Variants in SHC3 observed in about 807,000 individuals in gnomAD.
SHC3 encodes SHC adaptor protein 3, also known as SHC-transforming protein 3.
SHC3 carries 15 observed loss-of-function variants against 60.4 expected under a neutral mutation model. The ratio of observed to expected loss-of-function variants is 0.25; its 90% confidence interval spans 0.17 to 0.38. SHC3 has a LOEUF of 0.38. Among genes scored for constraint, SHC3 ranks in the 10% least tolerant of loss-of-function variants. The pLI, the probability that SHC3 is intolerant of heterozygous loss-of-function variation, is 1.00. For synonymous variants in SHC3, 294 were observed against 325.9 expected (o/e 0.90, Z 1.05); for missense variants, 677 against 786.1 (o/e 0.86, Z 1.66).
chr9:89,109,156 T>C, intron 2 of SHC3: 1 of 982,248 alleles, frequency 1.0e-6, no homozygotes, highest in Non-Finnish European at 1.2e-6. Flanking sequence ...ATCTTGTTAG[T>C]AAATGCAGCC....
intron 2 of SHC3, among the ~76,000 whole-genome samples, chr9:89,085,858 C>G (rs1042313569): frequency 3.9e-5 from 6 of 152,162 alleles, no homozygotes; most frequent in Non-Finnish European, 8.8e-5. Context: ...CAAGGAGTGC[C>G]CAGTGAGCAG....
intron 2 of SHC3, among the ~76,000 whole-genome samples, chr9:89,087,993 T>G (rs1159622431): frequency 6.6e-6 from 1 of 152,008 alleles, no homozygotes; most frequent in East Asian, 1.9e-4. Context: ...CCTGCAAAGC[T>G]GTCTCTTGTG....
At chr9:89,092,314 G>A (rs1195561044) in intron 2 of SHC3, among the ~76,000 whole-genome samples, 1 of 152,156 alleles carries the variant, frequency 6.6e-6, no homozygotes. Flanking sequence ...CATATGATTT[G>A]CAACTATAAA....
intron 6 of SHC3, among the ~76,000 whole-genome samples, chr9:89,055,315 TG>T (rs1416806845): frequency 1.3e-5 from 2 of 152,248 alleles, no homozygotes; most frequent in African/African-American, 4.8e-5. Flanking sequence ...CCCGGCCATC[TG>T]CCTGCTGCAA....
At chr9:89,055,346 G>A (rs7026353) in intron 6 of SHC3, among the ~76,000 whole-genome samples, 7,958 of 152,332 alleles carry the variant, frequency 0.052, 280 homozygotes, top group Middle Eastern at 0.079. Flanking sequence ...CAGTAAACTG[G>A]TGTGAGGCTT....
At chr9:89,169,418 A>G (rs1826837145) in intron 1 of SHC3, among the ~76,000 whole-genome samples, 1 of 152,204 alleles carries the variant, frequency 6.6e-6, no homozygotes, top group Non-Finnish European at 1.5e-5. Flanking sequence ...AGTCAAGAAC[A>G]TGGTGTGCTC....
chr9:89,157,426 C>T (rs1281987056), intron 1 of SHC3, among the ~76,000 whole-genome samples: 1 of 152,210 alleles, frequency 6.6e-6, no homozygotes, highest in Non-Finnish European at 1.5e-5. Flanking sequence ...CCGGAAGCCT[C>T]CAGAACAAAT....
intron 11 of SHC3, among the ~76,000 whole-genome samples, chr9:89,017,607 A>G (rs1297731473): frequency 3.9e-5 from 6 of 152,252 alleles, no homozygotes; most frequent in Non-Finnish European, 8.8e-5. Flanking sequence ...CATGACTAAA[A>G]TACAAAAAGC....
rs1335384874 is a variant in SHC3 at position 89,008,812 on chromosome 9, T to G, written c.*4635A>C. 6.6e-6 allele frequency: 1 copy of G among 152,188 alleles called. No individual in the cohort carries two copies. Among genetic ancestry groups the G allele is most frequent in the Admixed American group, 6.5e-5 (1 of 15,284 alleles). 9.4% of individuals were successfully genotyped at this position (152,188 alleles called of 1,614,324 possible). ...GTTCCCCGGTGGGATTCAGCTCCAG[T>G]TGTGCACATGACGGTAACTTACTTG... On this transcript the variant is annotated 3_prime_UTR_variant, in exon 12 of 12. Coordinates refer to ENST00000375835, the MANE Select transcript of SHC3 (RefSeq NM_016848.6).
chr9:89,007,182 C>T lies in SHC3; in HGVS notation c.*6265G>A, dbSNP rs1056590230. ...GAAAGAAGGGAGGCTGGGATCACCTCCCGCCCCTTCTAGCATCTCTACTGA... is the reference window on the plus strand; with the variant it reads ...GAAAGAAGGGAGGCTGGGATCACCTTCCGCCCCTTCTAGCATCTCTACTGA... On this transcript the variant is annotated 3_prime_UTR_variant, in exon 12 of 12. Transcript: ENST00000375835. 1 of 152,234 alleles carries T rather than the reference C, an allele frequency of 6.6e-6. No individual in the cohort carries two copies. Among genetic ancestry groups the T allele is most frequent in the Non-Finnish European group, 1.5e-5 (1 of 68,058 alleles). The allele number at this position is 152,234 out of a possible 1,614,324, so 9.4% of individuals were successfully genotyped here.
chr9:89,054,725 A>T (rs1486478942), intron 6 of SHC3, among the ~76,000 whole-genome samples: 1 of 152,252 alleles, frequency 6.6e-6, no homozygotes, highest in Non-Finnish European at 1.5e-5. Context: ...ATTCCAAATG[A>T]CGCAAAATCT....
chr9:89,120,726 C>A (rs894628462), intron 1 of SHC3, among the ~76,000 whole-genome samples: 2 of 152,134 alleles, frequency 1.3e-5, no homozygotes, highest in Non-Finnish European at 2.9e-5. Context: ...TTGTTACTTT[C>A]TTTCCCATAT....
intron 11 of SHC3, among the ~76,000 whole-genome samples, chr9:89,024,414 AC>A (rs1826253740): frequency 6.6e-6 from 1 of 152,166 alleles, no homozygotes; most frequent in Non-Finnish European, 1.5e-5. Flanking sequence ...AGTAGCTGGG[AC>A]TACAGGTGCA....
intron 1 of SHC3, among the ~76,000 whole-genome samples, chr9:89,167,815 A>G (rs1328230726): frequency 6.6e-6 from 1 of 152,180 alleles, no homozygotes; most frequent in East Asian, 1.9e-4. Flanking sequence ...TGGCTTTTCC[A>G]TTTTACTGGT....
intron 4 of SHC3, among the ~76,000 whole-genome samples, chr9:89,074,054 T>C (rs997908014): frequency 5.3e-5 from 8 of 152,224 alleles, no homozygotes; most frequent in Admixed American, 3.9e-4. Flanking sequence ...AAGTGGTATC[T>C]AGTTATGTTA....
At chr9:89,060,034 G>C (rs376551006) in intron 6 of SHC3, among the ~76,000 whole-genome samples, 3 of 150,276 alleles carry the variant, frequency 2.0e-5, no homozygotes, top group South Asian at 4.2e-4. Context: ...GAAGATGGTG[G>C]TGTTAGGACG....
intron 1 of SHC3, among the ~76,000 whole-genome samples, chr9:89,145,565 G>C (rs369330703): frequency 6.6e-6 from 1 of 152,092 alleles, no homozygotes; most frequent in African/African-American, 2.4e-5. Context: ...AGATAGATTC[G>C]GCTGTTCCGG....
intron 3 of SHC3, among the ~76,000 whole-genome samples, chr9:89,076,355 A>G (rs1382991290): frequency 1.3e-5 from 2 of 152,178 alleles, no homozygotes; most frequent in Non-Finnish European, 2.9e-5. Context: ...GACAGAAACA[A>G]GCTTGAGCCT....
chr9:89,065,205 C>A (rs570550009), intron 6 of SHC3, among the ~76,000 whole-genome samples: 2 of 152,272 alleles, frequency 1.3e-5, no homozygotes, highest in East Asian at 3.9e-4. Context: ...GGAGCTGAAG[C>A]TGGGCAGGAG....
Sources: gnomAD v4.1 joint callset for allele counts (sites outside exome capture counted in the v4.1 genomes callset) on GRCh38, gnomAD v4.1.1 for gene constraint, MANE v1.5 for transcripts, NCBI Gene and HGNC (gene_info 2026-07-23, HGNC 2026-07-21) for gene names.